Variants in AUH observed in about 807,000 individuals in gnomAD.
The protein encoded by AUH is AU RNA binding methylglutaconyl-CoA hydratase, also known as methylglutaconyl-CoA hydratase, mitochondrial.
AUH carries 29 observed loss-of-function variants against 42.3 expected under a neutral mutation model. The ratio of observed to expected loss-of-function variants is 0.69; its 90% CI spans 0.51 to 0.93. The LOEUF is 0.93. Ranked by LOEUF, AUH falls within the 40% of genes least tolerant of loss-of-function variation. AUH has a pLI of 0.00. For synonymous variants in AUH, 174 were observed against 166.4 expected, an observed-to-expected ratio of 1.05 and a Z score of -0.35; for missense variants, 452 against 438.1, an observed-to-expected ratio of 1.03 and a Z score of -0.28.
intron 4 of AUH, among the ~76,000 whole-genome samples, chr9:91,300,040 T>A (rs552912848): frequency 2.0e-5 from 3 of 152,196 alleles, no homozygotes; most frequent in Non-Finnish European, 4.4e-5. Context: ...GATTGTCCTA[T>A]AGCCAGTGGA....
intron 6 of AUH, among the ~76,000 whole-genome samples, chr9:91,241,534 A>G (rs1312904542): frequency 6.6e-6 from 1 of 152,120 alleles, no homozygotes; most frequent in Admixed American, 6.5e-5. Flanking sequence ...GTTTTGTGGT[A>G]AGTACATAAT....
At chr9:91,284,211 G>T (rs1826213586) in intron 6 of AUH, among the ~76,000 whole-genome samples, 1 of 152,092 alleles carries the variant, frequency 6.6e-6, no homozygotes, top group Non-Finnish European at 1.5e-5. Flanking sequence ...AAGAAATAGG[G>T]AAAGAATTCC....
chr9:91,265,780 A>C (rs1214178089), intron 6 of AUH, among the ~76,000 whole-genome samples: 1 of 152,200 alleles, frequency 6.6e-6, no homozygotes, highest in East Asian at 1.9e-4. Context: ...AGTTTTTCTG[A>C]AAACTTGCAT....
chr9:91,315,857 C>CTG (rs985014391), intron 4 of AUH, among the ~76,000 whole-genome samples: 2 of 151,854 alleles, frequency 1.3e-5, no homozygotes, highest in South Asian at 2.1e-4. Flanking sequence ...CTTGTAAAGT[C>CTG]TGTGTGTGTG....
intron 4 of AUH, among the ~76,000 whole-genome samples, chr9:91,322,785 G>A (rs1003385095): frequency 2.0e-5 from 3 of 152,146 alleles, no homozygotes; most frequent in Admixed American, 1.3e-4. Context: ...GCATTTTATT[G>A]AATCCAGCAA....
At chr9:91,259,894 G>T (rs1205855294) in intron 6 of AUH, among the ~76,000 whole-genome samples, 1 of 152,038 alleles carries the variant, frequency 6.6e-6, no homozygotes, top group Non-Finnish European at 1.5e-5. Context: ...TTCTTCTGTT[G>T]AGTTCTCCGA....
At chr9:91,359,293 G>C (rs1237650265) in intron 1 of AUH, among the ~76,000 whole-genome samples, 1 of 152,094 alleles carries the variant, frequency 6.6e-6, no homozygotes, top group African/African-American at 2.4e-5. Context: ...CCCTTCCCCA[G>C]AAGAAGCCAC....
At chr9:91,243,604 A>C (rs1458557923) in intron 6 of AUH, among the ~76,000 whole-genome samples, 1 of 152,216 alleles carries the variant, frequency 6.6e-6, no homozygotes, top group Non-Finnish European at 1.5e-5. Context: ...GTGCTACAAG[A>C]AAAGGCCTGA....
At chr9:91,237,279 G>C (rs528105050) in intron 6 of AUH, among the ~76,000 whole-genome samples, 122 of 152,282 alleles carry the variant, frequency 8.0e-4, no homozygotes, top group African/African-American at 2.7e-3. Flanking sequence ...CTGCTCCCTG[G>C]TGATGCGGTA....
intron 6 of AUH, among the ~76,000 whole-genome samples, chr9:91,281,097 TTCCCCCCTGAAATACACTTTC>T (rs1277839468): frequency 1.3e-5 from 2 of 152,170 alleles, no homozygotes; most frequent in African/African-American, 4.8e-5. Context: ...CTTTGATTTT[TTCCCCCCTGAAATACACTTTC>T]TCCTCTCCTT....
At chr9:91,265,276 C>CTT (rs1829910102) in intron 6 of AUH, among the ~76,000 whole-genome samples, 1 of 138,858 alleles carries the variant, frequency 7.2e-6, no homozygotes. Context: ...TTTGCTCTTG[C>CTT]ATTTTTTTTT....
intron 3 of AUH, 73 bp from the exon 4 acceptor site, chr9:91,325,477 TTAAGA>T: frequency 8.0e-7 from 1 of 1,250,864 alleles, no homozygotes; most frequent in South Asian, 1.2e-5. Flanking sequence ...GAAAATTTAC[TTAAGA>T]TTAGTATACA....
chr9:91,348,071 TAAAA>T (rs139827451), intron 3 of AUH, among the ~76,000 whole-genome samples: 1 of 137,454 alleles, frequency 7.3e-6, no homozygotes, highest in African/African-American at 2.7e-5. Flanking sequence ...ATCAAGAATA[TAAAA>T]AAAAACAAAA....
intron 4 of AUH, among the ~76,000 whole-genome samples, chr9:91,299,529 TG>T (rs567942164): frequency 6.9e-4 from 104 of 151,444 alleles, no homozygotes; most frequent in African/African-American, 2.4e-3. Context: ...ATTTAGGGGT[TG>T]GGGGTGGGGA....
chr9:91,295,730 TA>T lies in AUH; in HGVS notation c.655+290del, dbSNP rs543402382. On this transcript the variant is annotated intron_variant, in intron 6 of 9. Transcript: ENST00000375731. ...GATATGTACATTGTGTTTTTAGACA[TA>T]ATGGTACTGCATGCTTAACAGACTG... 5.3e-5 allele frequency among the ~76,000 whole-genome samples: 8 copies of T among 152,348 alleles called. No homozygotes were observed. In the East Asian group the frequency reaches 1.5e-3, roughly 29 times the overall value.
chr9:91,308,171 C>T (rs2131733997), intron 4 of AUH, among the ~76,000 whole-genome samples: 1 of 152,202 alleles, frequency 6.6e-6, no homozygotes. Flanking sequence ...ATACCAAACA[C>T]ATCAATATAT....
At chr9:91,339,459 T>C (rs1830940919) in intron 3 of AUH, among the ~76,000 whole-genome samples, 1 of 152,056 alleles carries the variant, frequency 6.6e-6, no homozygotes, top group Non-Finnish European at 1.5e-5. Flanking sequence ...GTACTACAAA[T>C]ATGGAAAGGG....
At chr9:91,230,711 GTGA>G (rs1375294691) in intron 6 of AUH, among the ~76,000 whole-genome samples, 1 of 152,026 alleles carries the variant, frequency 6.6e-6, no homozygotes, top group Non-Finnish European at 1.5e-5. Context: ...TTTGATGATG[GTGA>G]TGTACAGATG....
At position 91,216,107 on chromosome 9, in the gene AUH, C is replaced by T. The variant is rs730880309; in HGVS notation, c.895-1G>A. ...TGGCTAACCCTGTTACTAAATCGAC[C>T]TGAGAATAAAAACATAATCCATTTC... On this transcript the variant is annotated splice_acceptor_variant, in intron 8 of 9. Coordinates refer to ENST00000375731, the MANE Select transcript of AUH (RefSeq NM_001698.3). LOFTEE classifies it high-confidence loss of function. The T allele has an allele frequency of 1.2e-6, 2 of 1,612,504 alleles. No homozygotes were observed. The highest frequency in any genetic ancestry group is 1.1e-5 in the South Asian group (1 of 91,060).
Sources: gnomAD v4.1 joint callset for allele counts (sites outside exome capture counted in the v4.1 genomes callset) on GRCh38, gnomAD v4.1.1 for gene constraint, MANE v1.5 for transcripts, NCBI Gene and HGNC (gene_info 2026-07-23, HGNC 2026-07-21) for gene names.